Variants in ASPSCR1 observed in about 807,000 individuals in gnomAD.
ASPSCR1 encodes tether containing UBX domain for GLUT4.
A neutral mutation model predicts 68.9 loss-of-function variants in ASPSCR1; 55 were observed. The observed-to-expected ratio is 0.80, with a 90% CI of 0.64 to 1.00. ASPSCR1 has a LOEUF of 1.00. Ranked by LOEUF, ASPSCR1 falls within the 50% of genes least tolerant of loss-of-function variation. The pLI, the probability that ASPSCR1 is intolerant of heterozygous loss-of-function variation, is 0.00. For missense variants in ASPSCR1, 765 were observed against 762.2 expected, an observed-to-expected ratio of 1.00 and a Z score of -0.04; for synonymous variants, 352 against 332.6, an observed-to-expected ratio of 1.06 and a Z score of -0.63.
intron 12 of ASPSCR1, chr17:82,013,492 T>C (rs1326358692): frequency 6.6e-6 from 1 of 152,214 alleles, no homozygotes; most frequent in Non-Finnish European, 1.5e-5. Context: ...CCTGCCTGCC[T>C]GCCTGCCGTC....
Position 81,985,605 on chromosome 17 carries a change from C to G in ASPSCR1, c.372C>G (p.Ile124Met). The change falls in exon 4 of 16, where the codon ATC becomes ATG. Residue 124 changes from isoleucine to methionine, a missense_variant and splice_region_variant. Physicochemically the swap from Ile to Met is conservative, Grantham distance 10 (BLOSUM62 1). Transcript: ENST00000306739. ...LWELLSHFPQ[I>M]RECLQHPGGA... Reference sequence around the variant, plus strand: ...AGCTTCTCAGCCATTTTCCACAGATCAGGTGAGCATCAGTGGGCTGGGGGC... The same window carrying G: ...AGCTTCTCAGCCATTTTCCACAGATGAGGTGAGCATCAGTGGGCTGGGGGC... The G allele has an allele frequency of 1.2e-6, 2 of 1,613,242 alleles. No homozygotes were observed. Among genetic ancestry groups the G allele is most frequent in the Non-Finnish European group, 8.5e-7 (1 of 1,179,378 alleles).
chr17:81,991,211 C>T (rs1344147140), intron 4 of ASPSCR1, among the ~76,000 whole-genome samples: 5 of 152,158 alleles, frequency 3.3e-5, no homozygotes, highest in African/African-American at 9.7e-5. Context: ...CTCAGAGGTG[C>T]CCCCGGGCTG....
chr17:81,996,625 G>T lies in ASPSCR1; in HGVS notation c.712G>T (p.Ala238Ser), dbSNP rs148483554. 4 of 1,611,430 alleles carry T rather than the reference G, an allele frequency of 2.5e-6. No homozygotes were observed. The highest frequency in any genetic ancestry group is 3.4e-6 in the Non-Finnish European group (4 of 1,178,502). The change falls in exon 7 of 16, where the codon GCA becomes TCA. Residue 238 changes from alanine to serine, a missense_variant. Transcript: ENST00000306739. ...GGAGAAGCAGAGCACAAGGGCACCC[G>T]CAGCTGCCCCCTTTGTTCCTTTCTC... is the stretch of plus-strand genomic sequence containing the variant. ...TQEKQSTRAP[A>S]AAPFVPFSGG...
In ASPSCR1 at chr17:81,999,396, G is replaced by A. The variant is rs1404109614; in HGVS notation, c.933+2550G>A. Among the ~76,000 whole-genome samples, 1 of 152,226 alleles carries A rather than the reference G, an allele frequency of 6.6e-6. No homozygotes were observed. The highest frequency in any genetic ancestry group is 2.4e-5 in the African/African-American group (1 of 41,464). The stretch of plus-strand genomic sequence containing the variant: ...AATCCCAGCAGTTTGGGAGACCGAG[G>A]TGGGCAGATCACCTGAGGTCAGGAG... On this transcript the variant is annotated intron_variant, in intron 7 of 15. Transcript: ENST00000306739. The surrounding 1 kb of genome is among the most constrained non-coding windows in gnomAD (Gnocchi z 4.4).
rs188241201 is a variant in ASPSCR1, at chr17:81,989,157, G to A, written c.374+3550G>A. 1.5e-3 allele frequency among the ~76,000 whole-genome samples: 236 copies of A among 152,290 alleles called. 2 individuals are homozygous for A. Among genetic ancestry groups the A allele is most frequent in the African/African-American group, 5.4e-3 (226 of 41,564 alleles). On this transcript the variant is annotated intron_variant, in intron 4 of 15. Transcript: ENST00000306739. ...CAGGAGGTGGAGGTTGCAGTGAGCC[G>A]ACATCACACCACTGCATTCCAGCCT...
chr17:82,015,957 G>T (rs953829027), intron 12 of ASPSCR1: 1 of 164,940 alleles, frequency 6.1e-6, no homozygotes, highest in Non-Finnish European at 1.3e-5. Context: ...AGGTTTCGGC[G>T]TTCCTGGGCC....
intron 2 of ASPSCR1, chr17:81,982,643 C>A (rs2041831051): frequency 6.6e-6 from 1 of 152,274 alleles, no homozygotes; most frequent in Non-Finnish European, 1.5e-5. Flanking sequence ...ACTCTCTTCA[C>A]TAGTTGTCTC....
In ASPSCR1 at chr17:82,017,313, C is replaced by T. The variant is rs745472754; in HGVS notation, c.1653C>T (p.Ser551=). ...KVPKWLKLPA[S]KR is the part of the protein sequence containing the mutation. ...CCTGATGTGTCTGCACTACAGCCAG[C>T]AAGAGGTGAGAGCTGCCAGCCTGAG... The change falls in exon 16 of 16, where the codon AGC becomes AGT. Residue 551 remains serine (S), a synonymous_variant. Transcript: ENST00000306739. 5.8e-5 allele frequency: 94 copies of T among 1,611,296 alleles called. 1 individual carries two copies. Among genetic ancestry groups the T allele is most frequent in the Non-Finnish European group, 7.3e-5 (86 of 1,179,944 alleles).
At chr17:81,988,700 C>T (rs2042073193) in intron 4 of ASPSCR1, among the ~76,000 whole-genome samples, 2 of 152,244 alleles carry the variant, frequency 1.3e-5, no homozygotes, top group South Asian at 4.2e-4. Context: ...TGGACATCTT[C>T]CTGAAGGGTC....
intron 7 of ASPSCR1, among the ~76,000 whole-genome samples, chr17:82,002,606 A>G (rs1315066484): frequency 6.6e-6 from 1 of 151,890 alleles, no homozygotes; most frequent in Non-Finnish European, 1.5e-5. Context: ...TCTGTTGCCC[A>G]GGCTGGAGTG....
intron 2 of ASPSCR1, chr17:81,982,520 TG>T (rs1369492030): frequency 6.6e-6 from 1 of 152,458 alleles, no homozygotes; most frequent in African/African-American, 2.4e-5. Context: ...TCTGCTATCC[TG>T]TCTTGACGTA....
chr17:82,016,202 C>A, intron 12 of ASPSCR1: 1 of 508,440 alleles, frequency 2.0e-6, no homozygotes. Flanking sequence ...GACGGTGATG[C>A]TGCATGGCTT....
intron 2 of ASPSCR1, 63 bp downstream of exon 2, chr17:81,979,302 A>C: frequency 6.4e-7 from 1 of 1,552,054 alleles, no homozygotes. Context: ...CCCTGAACAT[A>C]CTGGCTCTCA....
At chr17:81,979,621 T>C (rs1467088212) in intron 2 of ASPSCR1, among the ~76,000 whole-genome samples, 2 of 152,228 alleles carry the variant, frequency 1.3e-5, no homozygotes, top group African/African-American at 2.4e-5. Context: ...CCTAGTAAGA[T>C]GTTCAGAGGT....
chr17:81,996,203 C>T, intron 6 of ASPSCR1, 138 bp downstream of exon 6: 3 of 1,332,786 alleles, frequency 2.3e-6, no homozygotes, highest in Non-Finnish European at 2.0e-6. Context: ...CTGGTGGCCT[C>T]TGCCTGCCTG....
Position 81,983,601 on chromosome 17 carries a change from A to G in ASPSCR1, c.206A>G (p.Asn69Ser), listed in dbSNP as rs368146790. ...CTTTCTCTCCAGTGGAGATTTGCCA[A>G]CCTGCCCAACAATGCCAAGCTGGAG... Reference protein sequence around the residue: ...LDLSLQWRFANLPNNAKLEMV... With the variant: ...LDLSLQWRFASLPNNAKLEMV... The change falls in exon 3 of 16, where the codon AAC becomes AGC. Residue 69 changes from asparagine (N) to serine (S), a missense_variant. Coordinates refer to ENST00000306739, the MANE Select transcript of ASPSCR1 (RefSeq NM_024083.4). The surrounding 1 kb of genome is among the most constrained non-coding windows in gnomAD (Gnocchi z 4.4). The G allele has an allele frequency of 1.7e-5, 28 of 1,613,482 alleles. No homozygotes were observed. Among genetic ancestry groups the G allele is most frequent in the Middle Eastern group, 1.6e-4 (1 of 6,084 alleles).
intron 4 of ASPSCR1, among the ~76,000 whole-genome samples, chr17:81,992,830 T>G (rs376855821): frequency 2.0e-5 from 3 of 152,006 alleles, no homozygotes; most frequent in African/African-American, 7.3e-5. Flanking sequence ...GCTTAGGGAG[T>G]GTGTCCCAGC....
At chr17:82,012,547 G>A (rs895359379) in intron 12 of ASPSCR1, among the ~76,000 whole-genome samples, 1 of 152,096 alleles carries the variant, frequency 6.6e-6, no homozygotes, top group African/African-American at 2.4e-5. Flanking sequence ...CCGCTTGGAG[G>A]TCTCGGCCCC....
chr17:81,993,197 C>T (rs886293184), intron 4 of ASPSCR1, among the ~76,000 whole-genome samples: 3 of 151,932 alleles, frequency 2.0e-5, no homozygotes, highest in African/African-American at 7.3e-5. Context: ...CAAGTCCTGC[C>T]CTTTTTTTTG....
Sources: gnomAD v4.1 joint callset for allele counts (sites outside exome capture counted in the v4.1 genomes callset) on GRCh38, gnomAD v4.1.1 for gene constraint, Gnocchi (gnomAD v3.1) non-coding constraint, MANE v1.5 for transcripts, NCBI Gene and HGNC (gene_info 2026-07-23, HGNC 2026-07-21) for gene names.